Variants in PPP3CB observed in about 807,000 individuals in gnomAD.
PPP3CB encodes serine/threonine-protein phosphatase 2B catalytic subunit beta isoform.
A neutral mutation model predicts 66.4 loss-of-function variants in PPP3CB; 8 were observed. The ratio of observed to expected loss-of-function variants is 0.12; its 90% CI spans 0.07 to 0.22. The LOEUF (loss-of-function observed/expected upper bound fraction) is 0.22, where lower values mean the gene tolerates loss of function less well. Ranked by LOEUF, PPP3CB falls within the 10% of genes least tolerant of loss-of-function variation. The pLI is 1.00. For missense variants in PPP3CB, 319 were observed against 642.5 expected, an observed-to-expected ratio of 0.50 and a Z score of 5.44; for synonymous variants, 208 against 221.2, an observed-to-expected ratio of 0.94 and a Z score of 0.53.
chr10:73,459,747 G>T (rs892909271), intron 9 of PPP3CB, among the ~76,000 whole-genome samples: 5 of 152,194 alleles, frequency 3.3e-5, no homozygotes, highest in African/African-American at 1.2e-4. Context: ...GAACTGTCCA[G>T]AATAGGTGAA....
intron 4 of PPP3CB, among the ~76,000 whole-genome samples, chr10:73,471,962 C>T (rs2056708596): frequency 6.6e-6 from 1 of 152,130 alleles, no homozygotes; most frequent in African/African-American, 2.4e-5. Context: ...TCAAAAGTCA[C>T]AGAAGTAAAT....
intron 9 of PPP3CB, among the ~76,000 whole-genome samples, chr10:73,458,256 C>T (rs926537929): frequency 5.3e-5 from 8 of 152,124 alleles, no homozygotes; most frequent in African/African-American, 1.9e-4. Context: ...CCTGCTTCAG[C>T]CTCCTGAGTA....
intron 10 of PPP3CB, among the ~76,000 whole-genome samples, chr10:73,453,919 A>T (rs1050513694): frequency 1.3e-5 from 2 of 152,220 alleles, no homozygotes; most frequent in African/African-American, 4.8e-5. Context: ...TTCTGTGGAA[A>T]AAAATGCTTT....
In PPP3CB at chr10:73,467,690, G is replaced by A. The variant is rs757243827; in HGVS notation, c.983-12C>T. On this transcript the variant is annotated splice_polypyrimidine_tract_variant and intron_variant, in intron 8 of 13. Coordinates refer to ENST00000360663, the MANE Select transcript of PPP3CB (RefSeq NM_021132.4). Reference sequence around the variant, plus strand: ...CTTTAATACAGCAGCTGCAAGATAAGTTGAACATCAATAACTTAATAGATA... The same window carrying A: ...CTTTAATACAGCAGCTGCAAGATAAATTGAACATCAATAACTTAATAGATA... The A allele has an allele frequency of 2.6e-6, 4 of 1,529,648 alleles. No individual in the cohort carries two copies. Among genetic ancestry groups the A allele is most frequent in the Non-Finnish European group, 3.5e-6 (4 of 1,128,156 alleles). 94.8% of individuals were successfully genotyped at this position (1,529,648 alleles called of 1,614,324 possible). A position where few individuals can be genotyped will look rare whatever the true frequency, so the allele number is the denominator to read the frequency against.
rs999967944 is a variant in PPP3CB at position 73,437,876 on chromosome 10, T to C, written c.*366A>G. 4 of 173,068 alleles carry C rather than the reference T, an allele frequency of 2.3e-5. No individual in the cohort carries two copies. In the East Asian group the frequency reaches 4.8e-4, roughly 21 times the overall value. The allele number at this position is 173,068 out of a possible 1,614,324, so 10.7% of individuals were successfully genotyped here. ...GAAAAGTCCACATTAGCTCTTAGGA[T>C]TGCATTTGAAATCATGATTGAAAAA... On this transcript the variant is annotated 3_prime_UTR_variant, in exon 14 of 14. Coordinates refer to ENST00000360663, the MANE Select transcript of PPP3CB (RefSeq NM_021132.4).
intron 1 of PPP3CB, chr10:73,495,531 C>T (rs981158921): frequency 2.1e-5 from 5 of 242,574 alleles, no homozygotes. Context: ...GAAGAGAAAA[C>T]GGGCTCACTG....
intron 9 of PPP3CB, among the ~76,000 whole-genome samples, chr10:73,459,057 C>G (rs1190729696): frequency 6.6e-6 from 1 of 151,876 alleles, no homozygotes; most frequent in African/African-American, 2.4e-5. Context: ...GCAACAAGAG[C>G]AAAACTCTGT....
chr10:73,453,214 T>C (rs911454291), intron 10 of PPP3CB, among the ~76,000 whole-genome samples: 8 of 152,354 alleles, frequency 5.3e-5, no homozygotes, highest in African/African-American at 1.7e-4. Context: ...CAAAGCAATC[T>C]GGTAGTTCAC....
intron 8 of PPP3CB, among the ~76,000 whole-genome samples, chr10:73,470,241 G>A (rs1439393508): frequency 1.3e-5 from 2 of 152,114 alleles, no homozygotes; most frequent in Admixed American, 1.3e-4. Context: ...GACTGTGGAG[G>A]TAAAAGAAGG....
intron 8 of PPP3CB, among the ~76,000 whole-genome samples, chr10:73,468,470 T>C (rs1019123232): frequency 1.3e-5 from 2 of 152,206 alleles, no homozygotes; most frequent in Non-Finnish European, 2.9e-5. Flanking sequence ...AGCTGTGCAA[T>C]GCTTGGTAAA....
intron 12 of PPP3CB, among the ~76,000 whole-genome samples, chr10:73,441,883 A>C (rs1203804603): frequency 6.6e-6 from 1 of 152,254 alleles, no homozygotes; most frequent in Non-Finnish European, 1.5e-5. Flanking sequence ...ATTAACTTTT[A>C]AAGTTCTTGA....
chr10:73,482,897 C>T lies in PPP3CB; in HGVS notation c.86-3380G>A, dbSNP rs150989866. On this transcript the variant is annotated intron_variant, in intron 1 of 13. Coordinates refer to ENST00000360663, the MANE Select transcript of PPP3CB (RefSeq NM_021132.4). ...CCTCCCTAAGTGTTGGGATTACAAG[C>T]GTCAGCCACTGTGCCTGGCCTAGAT... is the stretch of plus-strand genomic sequence containing the variant. 6.6e-4 allele frequency among the ~76,000 whole-genome samples: 100 copies of T among 152,220 alleles called. 1 individual carries two copies. Among genetic ancestry groups the T allele is most frequent in the African/African-American group, 2.0e-3 (84 of 41,550 alleles).
chr10:73,465,170 T>A (rs1166562447), intron 9 of PPP3CB, among the ~76,000 whole-genome samples: 1 of 152,090 alleles, frequency 6.6e-6, no homozygotes, highest in Admixed American at 6.6e-5. Flanking sequence ...TATAGGAAAT[T>A]CATATTATTC....
intron 1 of PPP3CB, among the ~76,000 whole-genome samples, chr10:73,481,289 T>C (rs1384309633): frequency 1.3e-5 from 2 of 150,774 alleles, no homozygotes; most frequent in Non-Finnish European, 2.9e-5. Flanking sequence ...CTGGCCAACA[T>C]GGTGAAACCC....
intron 10 of PPP3CB, chr10:73,448,576 T>A: frequency 1.9e-6 from 1 of 528,884 alleles, no homozygotes; most frequent in Non-Finnish European, 3.9e-6. Context: ...TGCATAGACA[T>A]TACTCAATGA....
chr10:73,494,978 A>G (rs1163288330), intron 1 of PPP3CB, among the ~76,000 whole-genome samples: 1 of 152,134 alleles, frequency 6.6e-6, no homozygotes, highest in African/African-American at 2.4e-5. Context: ...CAATTTCTCT[A>G]TTTTAAATTA....
At position 73,492,886 on chromosome 10, in the gene PPP3CB, A is replaced by G. The variant is rs547131817; in HGVS notation, c.85+2919T>C. ...GAATTTCAGGTATCTGATCTTAAAC[A>G]CAGAAAGACCTATACACCCTTAAAA... On this transcript the variant is annotated intron_variant, in intron 1 of 13. Coordinates refer to ENST00000360663, the MANE Select transcript of PPP3CB (RefSeq NM_021132.4). 1.6e-4 allele frequency among the ~76,000 whole-genome samples: 24 copies of G among 152,296 alleles called. No individual in the cohort carries two copies. In the South Asian group the frequency reaches 5.0e-3, roughly 32 times the overall value.
At chr10:73,463,391 A>G (rs975431066) in intron 9 of PPP3CB, among the ~76,000 whole-genome samples, 10 of 152,180 alleles carry the variant, frequency 6.6e-5, no homozygotes, top group Non-Finnish European at 1.0e-4. Context: ...CAAAGTTCCA[A>G]CTTCTCTGTG....
In PPP3CB at chr10:73,479,297, CA is replaced by C. The variant is rs2056837483; in HGVS notation, c.286+19del. 6.2e-7 allele frequency: 1 copy of C among 1,605,600 alleles called. No individual in the cohort carries two copies. ...ATAATGACATAATAAAAATAATACC[CA>C]AAACATGAATAAGCTTACCTGTGAT... On this transcript the variant is annotated intron_variant, in intron 2 of 13. Coordinates refer to ENST00000360663, the MANE Select transcript of PPP3CB (RefSeq NM_021132.4).
Sources: allele counts gnomAD v4.1 joint callset (sites outside exome capture counted in the v4.1 genomes callset), GRCh38; gene constraint gnomAD v4.1.1; transcripts MANE v1.5; gene names NCBI Gene and HGNC (gene_info 2026-07-23, HGNC 2026-07-21).